Variants in INSL6 observed in about 807,000 individuals in gnomAD.
The protein encoded by INSL6 is insulin like 6.
A neutral mutation model predicts 9.4 loss-of-function variants in INSL6; 16 were observed. That is an observed-to-expected ratio of 1.70 (90% CI 1.15 to 2.59). INSL6 has a LOEUF of 2.59. Among genes scored for constraint, INSL6 ranks in the 30% most tolerant of loss-of-function variants. The probability of loss-of-function intolerance (pLI) is 0.00; values close to 1 mark genes in which losing one functional copy is unlikely to be tolerated. For synonymous variants in INSL6, 154 were observed against 96.9 expected (o/e 1.59, Z -3.46); for missense variants, 391 against 257.3 (o/e 1.52, Z -3.56).
chr9:5,134,439 A>T (rs1824350869), intron 2 of INSL6, among the ~76,000 whole-genome samples: 1 of 152,210 alleles, frequency 6.6e-6, no homozygotes, highest in Non-Finnish European at 1.5e-5. Context: ...GGGCATCCAG[A>T]GAGAAAGGTC....
intron 2 of INSL6, among the ~76,000 whole-genome samples, chr9:5,149,542 A>G (rs1824671960): frequency 6.6e-6 from 1 of 152,224 alleles, no homozygotes; most frequent in Non-Finnish European, 1.5e-5. Flanking sequence ...TAAGGATATG[A>G]AAGATCTCTA....
At chr9:5,153,626 A>C (rs980996990) in intron 2 of INSL6, among the ~76,000 whole-genome samples, 2 of 152,232 alleles carry the variant, frequency 1.3e-5, no homozygotes, top group African/African-American at 4.8e-5. Flanking sequence ...ACTTCAGCAA[A>C]GTCTCAGGAT....
At chr9:5,153,972 C>T (rs1358441180) in intron 2 of INSL6, among the ~76,000 whole-genome samples, 2 of 152,184 alleles carry the variant, frequency 1.3e-5, no homozygotes, top group African/African-American at 4.8e-5. Flanking sequence ...GAAAAAACTA[C>T]TTTAAATCTC....
chr9:5,061,962 G>C, the INSL6 span, among the ~76,000 whole-genome samples: 59 of 152,280 alleles, frequency 3.9e-4, no homozygotes, highest in African/African-American at 1.3e-3. Flanking sequence ...GAGGCCTGAG[G>C]AGAGGGAAAA....
rs140197517 is a variant in INSL6 at position 5,148,866 on chromosome 9, C to A, written c.377-15274G>T. ...ACCAGGCTGTGCATCAGAGGCTTCA[C>A]TGATTACACTACATACTCCTACAGG... On this transcript the variant is annotated intron_variant, in intron 2 of 3. Coordinates refer to the INSL6 transcript ENST00000649639. 1.8e-3 allele frequency among the ~76,000 whole-genome samples: 276 copies of A among 152,348 alleles called. 1 individual carries two copies. Among genetic ancestry groups the A allele is most frequent in the African/African-American group, 6.4e-3 (268 of 41,588 alleles).
intron 1 of INSL6, among the ~76,000 whole-genome samples, chr9:5,180,370 G>C (rs150818808): frequency 1.3e-5 from 2 of 152,150 alleles, no homozygotes; most frequent in African/African-American, 2.4e-5. Context: ...GAAGACAACT[G>C]TAAGGTCTGA....
the INSL6 span, among the ~76,000 whole-genome samples, chr9:5,048,034 A>G: frequency 6.6e-6 from 1 of 152,094 alleles, no homozygotes; most frequent in South Asian, 2.1e-4. Context: ...ATAGTTTATT[A>G]TGTTTTTAGT....
chr9:5,168,174 A>T (rs1381109019), intron 1 of INSL6, among the ~76,000 whole-genome samples: 1 of 152,206 alleles, frequency 6.6e-6, no homozygotes, highest in Non-Finnish European at 1.5e-5. Context: ...CTCTTCTCCA[A>T]ATGATCGTAA....
At chr9:5,133,250 G>A (rs1425215965) in intron 3 of INSL6, among the ~76,000 whole-genome samples, 1 of 151,934 alleles carries the variant, frequency 6.6e-6, no homozygotes, top group African/African-American at 2.4e-5. Flanking sequence ...AAAAAGTTGA[G>A]AAACACTACT....
rs137910640 is a variant in INSL6 at position 5,148,598 on chromosome 9, A to G, written c.377-15006T>C. On this transcript the variant is annotated intron_variant, in intron 2 of 3. Coordinates refer to the INSL6 transcript ENST00000649639. ...GGACCAGCCCTGTGGAAGGAGGTAC[A>G]CCTAGGCCCCATACCAGCCTGCAAG... Among the ~76,000 whole-genome samples, 985 of 152,214 alleles carry G rather than the reference A, an allele frequency of 6.5e-3. 12 individuals carry two copies. Among genetic ancestry groups the G allele is most frequent in the African/African-American group, 0.023 (944 of 41,526 alleles).
At chr9:5,178,409 A>T (rs1394465645) in intron 1 of INSL6, among the ~76,000 whole-genome samples, 1 of 152,152 alleles carries the variant, frequency 6.6e-6, no homozygotes, top group East Asian at 1.9e-4. Context: ...GCTTTGGCAG[A>T]TTGTGGCCAG....
chr9:5,115,249 A>C, the INSL6 span, among the ~76,000 whole-genome samples: 1 of 152,232 alleles, frequency 6.6e-6, no homozygotes, highest in Non-Finnish European at 1.5e-5. Context: ...AAGTGGGTAA[A>C]GGATATGAAC....
chr9:5,110,251 T>G, the INSL6 span: 1 of 152,222 alleles, frequency 6.6e-6, no homozygotes, highest in African/African-American at 2.4e-5. Flanking sequence ...CTCATCCGCT[T>G]CTACCCTTTA....
intron 2 of INSL6, among the ~76,000 whole-genome samples, chr9:5,152,895 A>G (rs904108969): frequency 2.6e-5 from 4 of 152,154 alleles, no homozygotes; most frequent in African/African-American, 9.7e-5. Context: ...CAGCCCAAGG[A>G]GGGCGAGCTG....
chr9:5,111,552 A>G, the INSL6 span: 6 of 366,390 alleles, frequency 1.6e-5, no homozygotes, highest in African/African-American at 8.6e-5. Flanking sequence ...GCCCCCTTCT[A>G]CATGGCAGAT....
chr9:5,073,489 T>A, the INSL6 span, among the ~76,000 whole-genome samples: 1 of 152,134 alleles, frequency 6.6e-6, no homozygotes, highest in Non-Finnish European at 1.5e-5. Flanking sequence ...CTCACTTTGA[T>A]CTCCATATTC....
the INSL6 span, among the ~76,000 whole-genome samples, chr9:5,009,858 A>C: frequency 6.6e-6 from 1 of 151,530 alleles, no homozygotes; most frequent in Admixed American, 6.6e-5. Flanking sequence ...GCAGGCTCAA[A>C]CTCATAAGCT....
At chr9:5,058,153 G>A in the INSL6 span, among the ~76,000 whole-genome samples, 1 of 152,092 alleles carries the variant, frequency 6.6e-6, no homozygotes, top group Non-Finnish European at 1.5e-5. Context: ...GTGAACATGG[G>A]TGTACAAATA....
At chr9:5,060,045 A>C in the INSL6 span, among the ~76,000 whole-genome samples, 3 of 152,172 alleles carry the variant, frequency 2.0e-5, no homozygotes, top group African/African-American at 7.2e-5. Flanking sequence ...GAGTCACATA[A>C]ATTTTTTGGT....
Sources: gnomAD v4.1 joint callset for allele counts (sites outside exome capture counted in the v4.1 genomes callset) on GRCh38, gnomAD v4.1.1 for gene constraint, MANE v1.5 for transcripts, NCBI Gene and HGNC (gene_info 2026-07-23, HGNC 2026-07-21) for gene names.